Variants in DMD observed in about 807,000 individuals in gnomAD.
DMD encodes the protein dystrophin.
A neutral mutation model predicts 330.1 loss-of-function variants in DMD; 63 were observed. That is an observed-to-expected ratio of 0.19 (90% CI 0.16 to 0.24). DMD has a LOEUF of 0.24. DMD is among the 10% of genes least tolerant of loss of function. DMD has a pLI of 1.00. For missense variants in DMD, 3,344 were observed against 2,684.1 expected, an observed-to-expected ratio of 1.25 and a Z score of -5.43; for synonymous variants, 1,223 against 959.8, an observed-to-expected ratio of 1.27 and a Z score of -5.07.
At chrX:32,786,321 A>G (rs1209170122) in intron 7 of DMD, among the ~76,000 whole-genome samples, 1 of 110,027 alleles carries the variant, frequency 9.1e-6, no homozygotes, top group Non-Finnish European at 1.9e-5. Context: ...AGAGATGTTC[A>G]CATCACGACC....
intron 63 of DMD, among the ~76,000 whole-genome samples, chrX:31,238,714 C>T (rs12843613): frequency 0.11 from 12,576 of 111,622 alleles, 845 homozygotes; most frequent in African/African-American, 0.25. Context: ...CCCGCTTCTC[C>T]GCTACAGAAC....
intron 60 of DMD, among the ~76,000 whole-genome samples, chrX:31,371,454 G>C (rs1021930108): frequency 9.0e-6 from 1 of 111,692 alleles, no homozygotes; most frequent in Admixed American, 9.5e-5. Context: ...AAAAAACTAA[G>C]AATTATTTTT....
At chrX:31,195,235 A>T (rs1010191519) in intron 67 of DMD, among the ~76,000 whole-genome samples, 1 of 111,670 alleles carries the variant, frequency 9.0e-6, no homozygotes, top group African/African-American at 3.3e-5. Flanking sequence ...ACACATGGTG[A>T]TTATCCACTC....
chrX:32,070,895 A>G (rs1289783640), intron 44 of DMD, among the ~76,000 whole-genome samples: 1 of 111,322 alleles, frequency 9.0e-6, no homozygotes, highest in African/African-American at 3.3e-5. Context: ...TGGGTGCACC[A>G]GGATCTCACA....
At chrX:33,083,139 C>CTTCCAGAAGAACGG (rs1461883782) in intron 1 of DMD, among the ~76,000 whole-genome samples, 1 of 111,860 alleles carries the variant, frequency 8.9e-6, no homozygotes, top group East Asian at 2.8e-4. Flanking sequence ...TTCTCTGCAG[C>CTTCCAGAAGAACGG]TTCCAGAAGA....
At chrX:31,182,557 C>A (rs1019773193) in intron 68 of DMD, among the ~76,000 whole-genome samples, 181 bp downstream of exon 68, 14 of 111,197 alleles carry the variant, frequency 1.3e-4, no homozygotes, top group African/African-American at 4.6e-4. Context: ...TGAGATCCAC[C>A]AAAATAACCT....
intron 16 of DMD, among the ~76,000 whole-genome samples, chrX:32,557,011 G>C (rs2050375267): frequency 9.0e-6 from 1 of 111,559 alleles, no homozygotes; most frequent in Admixed American, 9.5e-5. Flanking sequence ...TAAGTGTTTT[G>C]AATTGATTAT....
chrX:33,195,891 T>G (rs985960689), intron 1 of DMD, among the ~76,000 whole-genome samples: 1 of 111,104 alleles, frequency 9.0e-6, no homozygotes, highest in Non-Finnish European at 1.9e-5. Context: ...AGTCATTCAT[T>G]TGTGTACCTA....
intron 13 of DMD, among the ~76,000 whole-genome samples, chrX:32,588,748 T>A (rs1361245317): frequency 9.0e-6 from 1 of 111,326 alleles, no homozygotes; most frequent in Non-Finnish European, 1.9e-5. Context: ...AGAACAAAGA[T>A]GAAATAATAA....
In DMD at chrX:33,008,909, CATATATGTAT is replaced by C. The variant is rs753125512; in HGVS notation, c.93+11220_93+11229del. 9.0e-5 allele frequency among the ~76,000 whole-genome samples: 7 copies of C among 78,006 alleles called. No individual in the cohort carries two copies. The East Asian group carries it at 2.8e-3, about 31-fold the overall frequency. 67.7% of individuals were successfully genotyped at this position (78,006 alleles called of 115,157 possible). On this transcript the variant is annotated intron_variant, in intron 2 of 78. Coordinates refer to ENST00000357033, the MANE Select transcript of DMD (RefSeq NM_004006.3). ...ATATACGTGTATATATACACATACT[CATATATGTAT>C]ATATACATGTATATATACACACGTA...
At position 31,120,866 on chromosome X, in the gene DMD, T is replaced by TATCA. The variant is rs71860126; in HGVS notation, c.*1049_*1052dup. ...ATTGCTAGCAGCAGGAAGCTGAATG[T>TATCA]ATCAATCAATCAATCAATCAACCAA... On this transcript the variant is annotated 3_prime_UTR_variant, in exon 79 of 79. Coordinates refer to ENST00000357033, the MANE Select transcript of DMD (RefSeq NM_004006.3). 21,051 of 108,015 alleles carry TATCA rather than the reference T, an allele frequency of 0.19. 1,745 individuals carry two copies. Among genetic ancestry groups the TATCA allele is most frequent in the African/African-American group, 0.31 (8,673 of 27,952 alleles). The allele number at this position is 108,015 out of a possible 1,213,427, so 8.9% of individuals were successfully genotyped here.
intron 2 of DMD, among the ~76,000 whole-genome samples, chrX:32,957,978 C>A (rs1256456003): frequency 8.9e-6 from 1 of 111,860 alleles, no homozygotes; most frequent in Non-Finnish European, 1.9e-5. Context: ...ATGCAGAAAT[C>A]ACTATAAATC....
intron 7 of DMD, among the ~76,000 whole-genome samples, chrX:32,708,006 AG>A (rs1188984452): frequency 2.7e-5 from 3 of 112,101 alleles, no homozygotes; most frequent in Non-Finnish European, 5.6e-5. Context: ...TGCTAGAAAA[AG>A]TATAGTCAGT....
At chrX:33,308,049 A>C (rs759000565) in intron 1 of DMD, among the ~76,000 whole-genome samples, 1 of 112,373 alleles carries the variant, frequency 8.9e-6, no homozygotes, top group South Asian at 3.7e-4. Flanking sequence ...TGAATGTTGA[A>C]ATAGTCATGA....
intron 2 of DMD, among the ~76,000 whole-genome samples, chrX:32,924,359 C>T (rs997239924): frequency 1.8e-5 from 2 of 110,259 alleles, no homozygotes; most frequent in African/African-American, 3.3e-5. Flanking sequence ...AAGACCCTGT[C>T]TCCACGAAAA....
chrX:33,105,839 T>A, intron 1 of DMD, among the ~76,000 whole-genome samples: 1 of 111,682 alleles, frequency 9.0e-6, no homozygotes, highest in Non-Finnish European at 1.9e-5. Flanking sequence ...TGTAAATTAA[T>A]ACCTCTCTGG....
At chrX:32,676,847 G>T (rs996182372) in intron 9 of DMD, among the ~76,000 whole-genome samples, 1 of 111,136 alleles carries the variant, frequency 9.0e-6, no homozygotes, top group Non-Finnish European at 1.9e-5. Context: ...TTCTGCCAGT[G>T]TTAATCATTG....
At chrX:32,394,580 A>ATCAGCGATATAAGTTG (rs2098026962) in intron 30 of DMD, among the ~76,000 whole-genome samples, 1 of 111,882 alleles carries the variant, frequency 8.9e-6, no homozygotes, top group South Asian at 3.7e-4. Flanking sequence ...GTTATAAGTT[A>ATCAGCGATATAAGTTG]TCAGCGATAT....
chrX:32,552,929 G>C (rs1363166556), intron 16 of DMD, among the ~76,000 whole-genome samples: 1 of 111,744 alleles, frequency 8.9e-6, no homozygotes, highest in African/African-American at 3.3e-5. Context: ...ATGCTGGCAA[G>C]GTTGCACAGA....
Sources: allele counts gnomAD v4.1 joint callset (sites outside exome capture counted in the v4.1 genomes callset), GRCh38; gene constraint gnomAD v4.1.1; transcripts MANE v1.5; gene names NCBI Gene and HGNC (gene_info 2026-07-23, HGNC 2026-07-21).